CCDC148: variants seen among roughly 807,000 people sequenced by gnomAD.
The protein encoded by CCDC148 is coiled-coil domain containing 148, also known as coiled-coil domain-containing protein 148.
A neutral mutation model predicts 85.7 loss-of-function variants in CCDC148; 89 were observed. The observed-to-expected ratio is 1.04, with a 90% CI of 0.87 to 1.24. The LOEUF is 1.24. CCDC148 is among the 50% of genes most tolerant of loss of function. The probability of loss-of-function intolerance (pLI) is 0.00; values close to 1 mark genes in which losing one functional copy is unlikely to be tolerated. For missense variants in CCDC148, 692 were observed against 671.7 expected (o/e 1.03, Z -0.33); for synonymous variants, 230 against 213.9 (o/e 1.08, Z -0.66).
chr2:158,186,294 C>A (rs1685151708), intron 11 of CCDC148, among the ~76,000 whole-genome samples: 1 of 152,056 alleles, frequency 6.6e-6, no homozygotes, highest in African/African-American at 2.4e-5. Flanking sequence ...TTTCCTTAGA[C>A]TGAACTTAGA....
chr2:158,335,613 C>T (rs1241143897), intron 7 of CCDC148, among the ~76,000 whole-genome samples: 1 of 152,072 alleles, frequency 6.6e-6, no homozygotes, highest in African/African-American at 2.4e-5. Context: ...ATTTATAAAA[C>T]CATCAGATCT....
At chr2:158,274,460 A>G (rs996104628) in intron 9 of CCDC148, among the ~76,000 whole-genome samples, 2 of 152,218 alleles carry the variant, frequency 1.3e-5, no homozygotes, top group East Asian at 1.9e-4. Context: ...CAACTGGCCA[A>G]TGTGTCTCCT....
At chr2:158,374,524 C>T (rs1016957482) in intron 1 of CCDC148, among the ~76,000 whole-genome samples, 8 of 151,796 alleles carry the variant, frequency 5.3e-5, no homozygotes, top group Non-Finnish European at 8.8e-5. Flanking sequence ...CTTGTGCGTG[C>T]GCTCTCTCTC....
At chr2:158,369,485 G>C (rs1684345704) in intron 1 of CCDC148, among the ~76,000 whole-genome samples, 1 of 151,964 alleles carries the variant, frequency 6.6e-6, no homozygotes, top group Admixed American at 6.6e-5. Context: ...TCTATTGTTG[G>C]TGTATAGGAA....
intron 11 of CCDC148, among the ~76,000 whole-genome samples, chr2:158,196,010 A>T (rs1243037374): frequency 6.6e-6 from 1 of 152,134 alleles, no homozygotes; most frequent in East Asian, 1.9e-4. Context: ...ACTTACTCAC[A>T]TGATTTCTTC....
At chr2:158,436,998 C>T (rs546955056) in intron 1 of CCDC148, among the ~76,000 whole-genome samples, 57 of 151,934 alleles carry the variant, frequency 3.8e-4, no homozygotes, top group Non-Finnish European at 5.0e-4. Flanking sequence ...GCTTACAAAC[C>T]AAAAAAAGTC....
chr2:158,172,806 T>C (rs563929879), intron 13 of CCDC148, among the ~76,000 whole-genome samples: 7 of 152,088 alleles, frequency 4.6e-5, no homozygotes, highest in African/African-American at 1.7e-4. Flanking sequence ...AGTAGACATA[T>C]GAGTAGTTCA....
chr2:158,385,152 G>A (rs983110061), intron 1 of CCDC148, among the ~76,000 whole-genome samples: 1 of 152,094 alleles, frequency 6.6e-6, no homozygotes, highest in Non-Finnish European at 1.5e-5. Flanking sequence ...TCATGGTTTG[G>A]ATCTCTAATT....
chr2:158,394,904 T>C (rs1404355098), intron 1 of CCDC148, among the ~76,000 whole-genome samples: 3 of 152,088 alleles, frequency 2.0e-5, no homozygotes, highest in Non-Finnish European at 4.4e-5. Context: ...TATCTTATTA[T>C]AAAAAATTCA....
At chr2:158,179,136 A>G (rs1196925945) in intron 11 of CCDC148, 140 bp from the exon 12 acceptor site, 2 of 551,120 alleles carry the variant, frequency 3.6e-6, no homozygotes, top group African/African-American at 1.9e-5. Context: ...CTCAAGTCCA[A>G]ATCAATAAAA....
At chr2:158,302,337 C>T (rs563425379) in intron 9 of CCDC148, among the ~76,000 whole-genome samples, 4 of 151,902 alleles carry the variant, frequency 2.6e-5, no homozygotes, top group Non-Finnish European at 5.9e-5. Flanking sequence ...TATGGAGTGG[C>T]GACCATAGGA....
intron 7 of CCDC148, among the ~76,000 whole-genome samples, chr2:158,331,526 C>A (rs1693117930): frequency 6.6e-6 from 1 of 152,128 alleles, no homozygotes; most frequent in Non-Finnish European, 1.5e-5. Context: ...ATTATGTCCG[C>A]TTGGTGCAGA....
intron 1 of CCDC148, among the ~76,000 whole-genome samples, chr2:158,452,710 G>A (rs780407254): frequency 1.3e-5 from 2 of 152,184 alleles, no homozygotes; most frequent in Non-Finnish European, 1.5e-5. Flanking sequence ...CATGGCTCAG[G>A]TCTCCCCACA....
intron 11 of CCDC148, among the ~76,000 whole-genome samples, chr2:158,195,743 T>C (rs766034684): frequency 3.3e-5 from 5 of 152,282 alleles, no homozygotes; most frequent in Non-Finnish European, 7.4e-5. Flanking sequence ...GATAGAAATA[T>C]CACCTCCACA....
intron 11 of CCDC148, among the ~76,000 whole-genome samples, chr2:158,207,967 A>G (rs1030625913): frequency 1.4e-4 from 21 of 149,606 alleles, no homozygotes; most frequent in African/African-American, 5.1e-4. Flanking sequence ...ACACACACAC[A>G]CACACACACA....
intron 8 of CCDC148, among the ~76,000 whole-genome samples, chr2:158,310,189 C>T (rs61419329): frequency 6.6e-6 from 1 of 152,086 alleles, no homozygotes; most frequent in African/African-American, 2.4e-5. Context: ...GCCCTTAATC[C>T]ATTTAACCCT....
intron 7 of CCDC148, among the ~76,000 whole-genome samples, chr2:158,320,484 G>A (rs893169557): frequency 3.3e-5 from 5 of 152,114 alleles, no homozygotes; most frequent in African/African-American, 9.7e-5. Flanking sequence ...AAAGAATAGG[G>A]AAAAGTTGTT....
At chr2:158,432,800 G>T (rs748890962) in intron 1 of CCDC148, among the ~76,000 whole-genome samples, 1 of 151,906 alleles carries the variant, frequency 6.6e-6, no homozygotes, top group Admixed American at 6.6e-5. Context: ...GAGACCAGGC[G>T]TAATGGCTCA....
intron 9 of CCDC148, among the ~76,000 whole-genome samples, chr2:158,307,389 C>T (rs1282863010): frequency 6.6e-6 from 1 of 152,066 alleles, no homozygotes; most frequent in African/African-American, 2.4e-5. Context: ...TCAGTCACCA[C>T]GTTAGATGAA....
Sources: allele counts gnomAD v4.1 joint callset (sites outside exome capture counted in the v4.1 genomes callset), GRCh38; gene constraint gnomAD v4.1.1; transcripts MANE v1.5; gene names NCBI Gene and HGNC (gene_info 2026-07-23, HGNC 2026-07-21).